Variants in MCF2 observed in about 807,000 individuals in gnomAD.
MCF2 encodes the protein MCF.2 cell line derived transforming sequence.
In MCF2, 44 loss-of-function variants were observed where a neutral mutation model predicts 82.5. The ratio of observed to expected loss-of-function variants is 0.53; its 90% CI spans 0.42 to 0.69. MCF2 has a LOEUF of 0.69. Among genes scored for constraint, MCF2 ranks in the 30% least tolerant of loss-of-function variants. The probability of loss-of-function intolerance (pLI) is 0.00; values close to 1 mark genes in which losing one functional copy is unlikely to be tolerated. For synonymous variants in MCF2, 217 were observed against 224.9 expected (o/e 0.96, Z 0.32); for missense variants, 623 against 663.1 (o/e 0.94, Z 0.66).
At chrX:139,692,297 C>A (rs987582775) in intron 1 of MCF2, 25 of 310,569 alleles carry the variant, frequency 8.0e-5, no homozygotes, top group African/African-American at 6.5e-4. Context: ...CCCCTGGCCC[C>A]GCTCAGCCCA....
chrX:139,586,991 C>T (rs1250018332), intron 22 of MCF2, among the ~76,000 whole-genome samples: 3 of 111,617 alleles, frequency 2.7e-5, no homozygotes, highest in Non-Finnish European at 3.8e-5. Context: ...TAAATCTCCA[C>T]GTGAACCACC....
At chrX:139,594,307 G>A (rs1248329564) in intron 19 of MCF2, among the ~76,000 whole-genome samples, 7 of 110,998 alleles carry the variant, frequency 6.3e-5, no homozygotes, top group Non-Finnish European at 1.3e-4. Flanking sequence ...GAGGCATCAC[G>A]CTACCTGACT....
intron 1 of MCF2, among the ~76,000 whole-genome samples, chrX:139,633,086 A>G (rs1194263090): frequency 8.9e-6 from 1 of 111,857 alleles, no homozygotes; most frequent in East Asian, 2.8e-4. Flanking sequence ...AGGAATTAGA[A>G]TAATATACAA....
intron 1 of MCF2, among the ~76,000 whole-genome samples, chrX:139,655,657 T>C (rs935517761): frequency 5.4e-5 from 6 of 111,158 alleles, no homozygotes; most frequent in African/African-American, 2.0e-4. Flanking sequence ...TCTCCTAATG[T>C]TATCCCTCCC....
exon 4 of MCF2, chrX:139,629,702 A>G (rs1308221562): frequency 2.5e-6 from 3 of 1,206,313 alleles, no homozygotes; most frequent in African/African-American, 3.5e-5. Context: ...TACCTTCAAC[A>G]GATGATACCT....
At chrX:139,705,263 G>A (rs1935569397) in intron 1 of MCF2, among the ~76,000 whole-genome samples, 1 of 112,056 alleles carries the variant, frequency 8.9e-6, no homozygotes, top group Non-Finnish European at 1.9e-5. Context: ...AGTGAGCTGA[G>A]ATCACACCAT....
chrX:139,671,225 T>A (rs1324718168), intron 1 of MCF2, among the ~76,000 whole-genome samples: 6 of 111,905 alleles, frequency 5.4e-5, no homozygotes, highest in African/African-American at 1.3e-4. Context: ...CCTTTGTCAG[T>A]TAGGTAGATT....
At chrX:139,598,989 A>C (rs930204490) in intron 16 of MCF2, among the ~76,000 whole-genome samples, 3 of 110,395 alleles carry the variant, frequency 2.7e-5, no homozygotes, top group African/African-American at 9.9e-5. Context: ...TAATTGGCCC[A>C]TTGCCACTAT....
chrX:139,596,671 A>C, exon 19 of MCF2: 1 of 1,209,459 alleles, frequency 8.3e-7, no homozygotes, highest in Non-Finnish European at 1.1e-6. Flanking sequence ...ATTGGTTTGA[A>C]TCTAGCCAAA....
intron 1 of MCF2, among the ~76,000 whole-genome samples, chrX:139,688,667 CT>C (rs755036035): frequency 9.0e-6 from 1 of 111,309 alleles, no homozygotes; most frequent in Non-Finnish European, 1.9e-5. Flanking sequence ...CAAGACGTTT[CT>C]TTTTTTCATT....
chrX:139,608,916 C>T (rs1402299931), intron 11 of MCF2, among the ~76,000 whole-genome samples: 1 of 111,716 alleles, frequency 9.0e-6, no homozygotes, highest in Non-Finnish European at 1.9e-5. Context: ...AGAATAATAA[C>T]CAGGCTTCGT....
At chrX:139,655,540 C>T (rs5954108) in intron 1 of MCF2, among the ~76,000 whole-genome samples, 4,800 of 111,146 alleles carry the variant, frequency 0.043, 248 homozygotes, top group African/African-American at 0.15. Flanking sequence ...TATTATTATA[C>T]TTTAAGTTCT....
intron 8 of MCF2, 124 bp from the exon 12 acceptor site, chrX:139,616,597 T>TA (rs370918316): frequency 0.037 from 9,625 of 263,405 alleles, 35 homozygotes; most frequent in African/African-American, 0.058. Context: ...TCAGAGCTGT[T>TA]AAAAAAAAAA....
intron 1 of MCF2, among the ~76,000 whole-genome samples, chrX:139,706,098 A>T (rs1935584746): frequency 8.9e-6 from 1 of 112,641 alleles, no homozygotes; most frequent in Non-Finnish European, 1.9e-5. Flanking sequence ...AGAGAAAAGC[A>T]AACACTTATA....
exon 18 of MCF2, chrX:139,597,501 C>T (rs748069949): frequency 8.3e-7 from 1 of 1,199,349 alleles, no homozygotes; most frequent in Admixed American, 2.2e-5. Flanking sequence ...GAATCATTAA[C>T]TGACTTCAGT....
chrX:139,686,497 G>A (rs183515843), intron 1 of MCF2, among the ~76,000 whole-genome samples: 50 of 109,495 alleles, frequency 4.6e-4, no homozygotes, highest in Admixed American at 3.4e-3. Flanking sequence ...ATGCCAGCTT[G>A]GGTGATAGAG....
chrX:139,617,861 AC>A (rs1174357297), intron 7 of MCF2, among the ~76,000 whole-genome samples, 157 bp from the exon 11 acceptor site: 134 of 107,846 alleles, frequency 1.2e-3, no homozygotes, highest in African/African-American at 4.0e-3. Flanking sequence ...AAAAAAAAAA[AC>A]ACAAACAAAC....
intron 1 of MCF2, among the ~76,000 whole-genome samples, chrX:139,707,066 T>C (rs1935604684): frequency 9.1e-6 from 1 of 110,439 alleles, no homozygotes; most frequent in African/African-American, 3.3e-5. Context: ...GATGTGCAGC[T>C]AGCCGGCAGA....
At chrX:139,597,606 T>C (rs1425518293) in intron 17 of MCF2, 21 bp from the exon 22 acceptor site, 1 of 1,114,183 alleles carries the variant, frequency 9.0e-7, no homozygotes, top group Non-Finnish European at 1.2e-6. Flanking sequence ...AAATCAGGAA[T>C]TAATATTAGG....
Sources: gnomAD v4.1 joint callset for allele counts (sites outside exome capture counted in the v4.1 genomes callset) on GRCh38, gnomAD v4.1.1 for gene constraint, MANE v1.5 for transcripts, NCBI Gene and HGNC (gene_info 2026-07-23, HGNC 2026-07-21) for gene names.